PES1: variants seen among roughly 807,000 people sequenced by gnomAD.
PES1 encodes pescadillo ribosomal biogenesis factor 1.
In PES1, 31 loss-of-function variants were observed where a neutral mutation model predicts 77.1. That is an observed-to-expected ratio of 0.40 (90% CI 0.30 to 0.54). The LOEUF is 0.54. Ranked by LOEUF, PES1 falls within the 20% of genes least tolerant of loss-of-function variation. The pLI is 0.45. For synonymous variants in PES1, 282 were observed against 303.0 expected, an observed-to-expected ratio of 0.93 and a Z score of 0.72; for missense variants, 658 against 771.7, an observed-to-expected ratio of 0.85 and a Z score of 1.75.
rs996270152 is a variant in PES1 at position 30,591,235 on chromosome 22, T to C, written c.24+575A>G. Reference sequence around the variant, plus strand: ...CAGTACGTGTCCAACCCCAATCTTATCAGATGCCATTCTTTTCTTGGTTTA... The same window carrying C: ...CAGTACGTGTCCAACCCCAATCTTACCAGATGCCATTCTTTTCTTGGTTTA... On this transcript the variant is annotated intron_variant, in intron 1 of 14. Transcript: ENST00000354694. Among the ~76,000 whole-genome samples the C allele has an allele frequency of 2.0e-5, 3 of 152,306 alleles. No individual in the cohort carries two copies. In the South Asian group the frequency reaches 6.2e-4, roughly 32 times the overall value.
At chr22:30,597,074 C>G (rs1020130707) in intron 2 of PES1, among the ~76,000 whole-genome samples, 1 of 152,208 alleles carries the variant, frequency 6.6e-6, no homozygotes, top group Non-Finnish European at 1.5e-5. Flanking sequence ...CGCTCAATTT[C>G]TCCCTGGACC....
intron 4 of PES1, among the ~76,000 whole-genome samples, chr22:30,586,791 A>T (rs1032947031): frequency 6.6e-6 from 1 of 152,232 alleles, no homozygotes; most frequent in African/African-American, 2.4e-5. Flanking sequence ...CTCTACTAAA[A>T]GTACAAAAAT....
upstream of PES1, chr22:30,592,245 G>C: frequency 4.0e-6 from 4 of 1,011,202 alleles, no homozygotes; most frequent in Non-Finnish European, 4.7e-6. Context: ...GCACTCCATG[G>C]TGCGCGATAG....
intron 2 of PES1, among the ~76,000 whole-genome samples, chr22:30,604,978 A>T (rs1602035251): frequency 6.6e-6 from 1 of 151,818 alleles, no homozygotes; most frequent in Non-Finnish European, 1.5e-5. Context: ...CTGACCAGTC[A>T]CTCTATTTCT....
At chr22:30,591,684 G>C (rs994782301) in intron 1 of PES1, 126 bp downstream of exon 1, 26 of 1,089,634 alleles carry the variant, frequency 2.4e-5, no homozygotes, top group Non-Finnish European at 3.4e-5. Context: ...TCTCGCAGCT[G>C]ATTACGGTCA....
intron 2 of PES1, among the ~76,000 whole-genome samples, chr22:30,604,715 AT>A (rs1048246264): frequency 6.6e-6 from 1 of 151,896 alleles, no homozygotes; most frequent in African/African-American, 2.4e-5. Context: ...GGTCCCTGTT[AT>A]CCCAGTCTAG....
At position 30,606,768 on chromosome 22, in the gene PES1, GGCGGT is replaced by G. The variant is rs2087454961; in HGVS notation, c.-718+36_-718+40del. ...ATCCCCTCCCGCCACAACTGAGGGA[GGCGGT>G]GCTGAAAAACAGCTGACTCCAGCAA... is the stretch of plus-strand genomic sequence containing the variant. On this transcript the variant is annotated intron_variant, in intron 1 of 16. Transcript: ENST00000402281. 5 of 846,152 alleles carry G rather than the reference GGCGGT, an allele frequency of 5.9e-6. No homozygotes were observed. In the South Asian group the frequency reaches 2.1e-4, roughly 36 times the overall value. 52.4% of individuals were successfully genotyped at this position (846,152 alleles called of 1,614,324 possible).
At chr22:30,596,291 C>T (rs1037277087), upstream of PES1, among the ~76,000 whole-genome samples, 2 of 151,958 alleles carry the variant, frequency 1.3e-5, no homozygotes, top group Non-Finnish European at 2.9e-5. Context: ...CAGGTTCCAG[C>T]TAAAATATAA....
At position 30,576,651 on chromosome 22, in the gene PES1, T is replaced by C; in HGVS notation, c.*395A>G. ...GCAATTGGCACAAAAGTCCAGTCAT[T>C]TAATAACAAATGCTCCCCCTACCCT... On this transcript the variant is annotated 3_prime_UTR_variant, in exon 15 of 15. Coordinates refer to ENST00000354694, the MANE Select transcript of PES1 (RefSeq NM_014303.4). 1 of 214,186 alleles carries C rather than the reference T, an allele frequency of 4.7e-6. No homozygotes were observed. The highest frequency in any genetic ancestry group is 9.3e-6 in the Non-Finnish European group (1 of 107,142). The allele number at this position is 214,186 out of a possible 1,614,324, so 13.3% of individuals were successfully genotyped here. A position where few individuals can be genotyped will look rare whatever the true frequency, so the allele number is the denominator to read the frequency against.
intron 4 of PES1, among the ~76,000 whole-genome samples, 200 bp from the exon 5 acceptor site, chr22:30,584,917 G>T (rs1262834812): frequency 6.6e-6 from 1 of 152,130 alleles, no homozygotes; most frequent in Non-Finnish European, 1.5e-5. Flanking sequence ...CGCCCACTAG[G>T]CTCTGAGGAC....
intron 2 of PES1, among the ~76,000 whole-genome samples, chr22:30,602,530 CTTT>C (rs1569033724): frequency 6.8e-6 from 1 of 147,222 alleles, no homozygotes; most frequent in East Asian, 2.0e-4. Context: ...CCTCTTTTTT[CTTT>C]TATTTTCTTT....
chr22:30,579,894 G>A lies in PES1; in HGVS notation c.1211C>T (p.Ala404Val). 6.2e-7 allele frequency: 1 copy of A among 1,614,130 alleles called. No individual in the cohort carries two copies. The highest frequency in any genetic ancestry group is 8.5e-7 in the Non-Finnish European group (1 of 1,180,028). ...QPQWVFDSVN[A>V]RLLLPVAEYF... is the part of the protein sequence containing the mutation. ...CTCTGCCACGGGGAGAAGGAGCCTG[G>A]CGTTCACTGAGTCAAACACCCACTG... The change falls in exon 12 of 15, where the codon GCC (alanine) becomes GTC (valine). Residue 404 changes from alanine (A) to valine (V), a missense_variant. By Grantham distance (64) the Ala-to-Val change is moderately conservative. Transcript: ENST00000354694.
chr22:30,578,948 C>T lies in PES1; in HGVS notation c.1572G>A (p.Leu524=). The stretch of plus-strand genomic sequence containing the variant: ...TGGCCTCACTCTCCTCCTCCTGGGC[C>T]AGCCGCTGCTTATCCTCCAGCTTCA... ...GTLKLEDKQR[L]AQEEESEAKR... Residue 524 remains leucine (L), a synonymous_variant, in exon 14 of 15, where the codon CTG becomes CTA. Coordinates refer to ENST00000354694, the MANE Select transcript of PES1 (RefSeq NM_014303.4). The T allele has an allele frequency of 6.2e-7, 1 of 1,613,370 alleles. No homozygotes were observed. The highest frequency in any genetic ancestry group is 2.2e-5 in the East Asian group (1 of 44,880).
upstream of PES1, among the ~76,000 whole-genome samples, chr22:30,596,276 TCAGC>T (rs1175164694): frequency 6.6e-6 from 1 of 152,170 alleles, no homozygotes; most frequent in Non-Finnish European, 1.5e-5. Flanking sequence ...TCTATATAGT[TCAGC>T]CAGGTTCCAG....
intron 2 of PES1, among the ~76,000 whole-genome samples, chr22:30,603,236 G>GGCC (rs1172935364): frequency 6.6e-6 from 1 of 152,002 alleles, no homozygotes; most frequent in Non-Finnish European, 1.5e-5. Context: ...TAAACTCACA[G>GGCC]GCCCCCTAAA....
intron 7 of PES1, 54 bp downstream of exon 7, chr22:30,581,474 A>G: frequency 1.2e-6 from 2 of 1,604,984 alleles, no homozygotes; most frequent in Non-Finnish European, 1.7e-6. Flanking sequence ...GTGTGGACAG[A>G]GAAGGGCTGT....
intron 6 of PES1, among the ~76,000 whole-genome samples, chr22:30,582,615 G>A (rs527304663): frequency 2.6e-5 from 4 of 152,148 alleles, no homozygotes; most frequent in African/African-American, 4.8e-5. Context: ...AGGATGTTCC[G>A]AGCAACGTGA....
chr22:30,580,385 G>A (rs2086964251), intron 10 of PES1, among the ~76,000 whole-genome samples, 186 bp downstream of exon 10: 1 of 152,136 alleles, frequency 6.6e-6, no homozygotes, highest in African/African-American at 2.4e-5. Context: ...GTAATAAAAT[G>A]ACGGCAGTTC....
At chr22:30,588,696 T>A (rs1270639110) in intron 2 of PES1, among the ~76,000 whole-genome samples, 1 of 151,012 alleles carries the variant, frequency 6.6e-6, no homozygotes, top group Non-Finnish European at 1.5e-5. Context: ...GGCAGGAGAA[T>A]CGCTTGAACC....
Sources: gnomAD v4.1 joint callset for allele counts (sites outside exome capture counted in the v4.1 genomes callset) on GRCh38, gnomAD v4.1.1 for gene constraint, MANE v1.5 for transcripts, NCBI Gene and HGNC (gene_info 2026-07-23, HGNC 2026-07-21) for gene names.